XPNPEP3: variants seen among roughly 807,000 people sequenced by gnomAD.
The protein encoded by XPNPEP3 is X-prolyl aminopeptidase 3.
Under a neutral mutation model 60.0 loss-of-function variants are expected in XPNPEP3, and 41 were observed. That is an observed-to-expected ratio of 0.68 (90% CI 0.53 to 0.89). XPNPEP3 has a LOEUF of 0.89. Ranked by LOEUF, XPNPEP3 falls within the 40% of genes least tolerant of loss-of-function variation. The pLI is 0.00. For synonymous variants in XPNPEP3, 212 were observed against 223.2 expected, an observed-to-expected ratio of 0.95 and a Z score of 0.45; for missense variants, 598 against 638.9, an observed-to-expected ratio of 0.94 and a Z score of 0.69.
Position 40,928,002 on chromosome 22 carries a change from G to A in XPNPEP3, c.*1567G>A, listed in dbSNP as rs1474635318. ...TTAGCTGTTGTGCTGCGCAGGAGCA[G>A]ATCCTCTACTTACGTACCCTGTCAG... On this transcript the variant is annotated 3_prime_UTR_variant, in exon 10 of 10. Transcript: ENST00000357137. The A allele has an allele frequency of 1.3e-5, 2 of 152,056 alleles. No homozygotes were observed. Among genetic ancestry groups the A allele is most frequent in the Admixed American group, 1.3e-4 (2 of 15,250 alleles). 9.4% of individuals were successfully genotyped at this position (152,056 alleles called of 1,614,324 possible). A position where few individuals can be genotyped will look rare whatever the true frequency, so the allele number is the denominator to read the frequency against.
intron 1 of XPNPEP3, chr22:40,859,949 T>A (rs899518425): frequency 4.6e-5 from 7 of 152,198 alleles, no homozygotes; most frequent in Non-Finnish European, 8.8e-5. Flanking sequence ...AAATTTCCTG[T>A]CTGGAGTGAT....
chr22:40,857,960 A>C (rs949782639), intron 1 of XPNPEP3, among the ~76,000 whole-genome samples: 8 of 152,220 alleles, frequency 5.3e-5, no homozygotes, highest in African/African-American at 1.7e-4. Context: ...ACTTGAATTC[A>C]TTTAAAATGG....
At chr22:40,891,960 T>C (rs557632137) in intron 4 of XPNPEP3, among the ~76,000 whole-genome samples, 7 of 152,326 alleles carry the variant, frequency 4.6e-5, no homozygotes, top group African/African-American at 7.2e-5. Flanking sequence ...TTGGGATACC[T>C]TGGACTCCAT....
chr22:40,886,299 C>T lies in XPNPEP3; in HGVS notation c.590-14C>T. The T allele has an allele frequency of 6.2e-7, 1 of 1,613,286 alleles. No individual in the cohort carries two copies. The highest frequency in any genetic ancestry group is 2.2e-5 in the East Asian group (1 of 44,876). ...GTTTTGTTTTAAATTTATTTTTCGG[C>T]TTCTCATTCTAAGCTGAGACGAACA... is the stretch of plus-strand genomic sequence containing the variant. On this transcript the variant is annotated splice_polypyrimidine_tract_variant and intron_variant, in intron 3 of 9. Coordinates refer to ENST00000357137, the MANE Select transcript of XPNPEP3 (RefSeq NM_022098.4).
intron 8 of XPNPEP3, among the ~76,000 whole-genome samples, chr22:40,923,421 A>C (rs565122696): frequency 2.0e-5 from 3 of 152,132 alleles, no homozygotes; most frequent in Non-Finnish European, 4.4e-5. Flanking sequence ...AAATTAAGAT[A>C]CTAGATGCCT....
intron 6 of XPNPEP3, among the ~76,000 whole-genome samples, chr22:40,910,885 G>A (rs953528814): frequency 6.6e-6 from 1 of 152,082 alleles, no homozygotes; most frequent in Non-Finnish European, 1.5e-5. Flanking sequence ...GCGTGTGCCT[G>A]TAATCCCAGC....
intron 6 of XPNPEP3, among the ~76,000 whole-genome samples, chr22:40,909,910 C>T (rs1385182037): frequency 1.3e-5 from 2 of 151,968 alleles, no homozygotes; most frequent in Non-Finnish European, 2.9e-5. Flanking sequence ...TGAGGACTTG[C>T]GGCAACAACA....
intron 1 of XPNPEP3, among the ~76,000 whole-genome samples, chr22:40,857,985 C>T (rs2057913225): frequency 6.6e-6 from 1 of 152,208 alleles, no homozygotes; most frequent in African/African-American, 2.4e-5. Context: ...TTAATTACAT[C>T]GACTTCTTAC....
chr22:40,893,040 T>G (rs1418791053), intron 4 of XPNPEP3, among the ~76,000 whole-genome samples: 1 of 150,288 alleles, frequency 6.7e-6, no homozygotes, highest in Admixed American at 6.7e-5. Flanking sequence ...TATTATCCAT[T>G]GATTTTCAAA....
chr22:40,871,531 T>C (rs1444620447), intron 2 of XPNPEP3, among the ~76,000 whole-genome samples: 1 of 152,236 alleles, frequency 6.6e-6, no homozygotes, highest in East Asian at 1.9e-4. Context: ...TTACGCAAGT[T>C]CTATACATAC....
At chr22:40,892,107 A>G (rs927016937) in intron 4 of XPNPEP3, among the ~76,000 whole-genome samples, 11 of 152,162 alleles carry the variant, frequency 7.2e-5, no homozygotes, top group Admixed American at 5.9e-4. Flanking sequence ...TATCATTTCA[A>G]ACAGCTTGCC....
At chr22:40,860,776 G>A (rs1357206270) in intron 1 of XPNPEP3, 9 of 687,014 alleles carry the variant, frequency 1.3e-5, no homozygotes, top group East Asian at 2.9e-5. Flanking sequence ...CCAGCTTCCC[G>A]AGTAGCTGGG....
Position 40,907,635 on chromosome 22 carries a change from T to G in XPNPEP3, c.841T>G (p.Phe281Val), listed in dbSNP as rs761945923. 69 of 1,613,904 alleles carry G rather than the reference T, an allele frequency of 4.3e-5. No homozygotes were observed. The highest frequency in any genetic ancestry group is 5.8e-5 in the Non-Finnish European group (68 of 1,179,914). Residue 281 changes from phenylalanine to valine, a missense_variant, in exon 5 of 10, where the codon TTT becomes GTT. Coordinates refer to ENST00000357137, the MANE Select transcript of XPNPEP3 (RefSeq NM_022098.4). ...CAGTAAAGCCCCTGTGGAAGAAGCC[T>G]TTCTTTATGCTAAGGTGAGATTCAG... is the stretch of plus-strand genomic sequence containing the variant. ...FTSKAPVEEA[F>V]LYAKFEFECR... is the part of the protein sequence containing the mutation.
At chr22:40,893,822 G>A (rs150533047) in intron 4 of XPNPEP3, among the ~76,000 whole-genome samples, 2,448 of 152,198 alleles carry the variant, frequency 0.016, 67 homozygotes, top group African/African-American at 0.057. Flanking sequence ...CTCCATATTG[G>A]TCAGGCTGAT....
Position 40,909,250 on chromosome 22 carries a change from C to G in XPNPEP3, c.969+15C>G. The G allele has an allele frequency of 2.5e-6, 4 of 1,595,024 alleles. No individual in the cohort carries two copies. Among genetic ancestry groups the G allele is most frequent in the South Asian group, 1.1e-5 (1 of 90,682 alleles). On this transcript the variant is annotated intron_variant, in intron 6 of 9. Transcript: ENST00000357137. ...AACTCATCAAGGTACGTGAGATGCC[C>G]TCAGTGCTACTCCCACTAGGTCCAG...
intron 1 of XPNPEP3, among the ~76,000 whole-genome samples, chr22:40,858,881 C>T (rs1297514536): frequency 6.6e-6 from 1 of 152,144 alleles, no homozygotes; most frequent in East Asian, 1.9e-4. Context: ...AGGCATTACA[C>T]GAAAATGATT....
intron 1 of XPNPEP3, among the ~76,000 whole-genome samples, chr22:40,865,176 C>G (rs1342869083): frequency 6.6e-6 from 1 of 152,130 alleles, no homozygotes; most frequent in African/African-American, 2.4e-5. Context: ...ACATCCTATT[C>G]CCTCCTTGGC....
chr22:40,861,188 AC>A (rs1240018313), intron 1 of XPNPEP3: 1 of 1,613,672 alleles, frequency 6.2e-7, no homozygotes, highest in Non-Finnish European at 8.5e-7. Flanking sequence ...CCCAAGATAT[AC>A]CTCCCTCATC....
chr22:40,862,550 A>G, intron 1 of XPNPEP3: 1 of 985,544 alleles, frequency 1.0e-6, no homozygotes, highest in Non-Finnish European at 1.2e-6. Flanking sequence ...ACTTAGTTAC[A>G]ATATAATAGT....
Sources: gnomAD v4.1 joint callset for allele counts (sites outside exome capture counted in the v4.1 genomes callset) on GRCh38, gnomAD v4.1.1 for gene constraint, MANE v1.5 for transcripts, NCBI Gene and HGNC (gene_info 2026-07-23, HGNC 2026-07-21) for gene names.